The following RPL5 variants were observed in gnomAD, a reference collection of about 807,000 sequenced individuals.
RPL5 encodes the protein large ribosomal subunit protein uL18.
Under a neutral mutation model 38.4 loss-of-function variants are expected in RPL5, and 1 was observed. The ratio of observed to expected loss-of-function variants is 0.03; its 90% CI spans 0.01 to 0.12. The LOEUF (loss-of-function observed/expected upper bound fraction) is 0.12, where lower values mean the gene tolerates loss of function less well. Ranked by LOEUF, RPL5 falls within the 10% of genes least tolerant of loss-of-function variation. The probability of loss-of-function intolerance (pLI) is 1.00; values close to 1 mark genes in which losing one functional copy is unlikely to be tolerated. For synonymous variants in RPL5, 109 were observed against 121.2 expected, an observed-to-expected ratio of 0.90 and a Z score of 0.66; for missense variants, 243 against 374.1, an observed-to-expected ratio of 0.65 and a Z score of 2.89.
chr1:92,834,748 G>T, intron 3 of RPL5, 31 bp from the exon 4 acceptor site: 1 of 1,611,854 alleles, frequency 6.2e-7, no homozygotes. Flanking sequence ...GAAAGCAACA[G>T]ATTACTAACC....
Position 92,834,586 on chromosome 1 carries a change from T to G in RPL5, c.190-193T>G, listed in dbSNP as rs536918861. The stretch of plus-strand genomic sequence containing the variant: ...AGTTATGTTTAGTTCAAAAGATGAT[T>G]GAAATATTTGGGTATTCCTCTTTGA... On this transcript the variant is annotated intron_variant, in intron 3 of 7. Coordinates refer to ENST00000370321, the MANE Select transcript of RPL5 (RefSeq NM_000969.5). Among the ~76,000 whole-genome samples the G allele has an allele frequency of 1.1e-3, 160 of 152,342 alleles. 1 individual carries two copies. The highest frequency in any genetic ancestry group is 3.7e-3 in the African/African-American group (155 of 41,588).
chr1:92,841,695 T>G, intron 7 of RPL5, 71 bp from the exon 8 acceptor site: 2 of 974,158 alleles, frequency 2.1e-6, no homozygotes, highest in Non-Finnish European at 2.9e-6. Flanking sequence ...TAAATTTTAT[T>G]AAAATTTTAA....
At chr1:92,837,053 TG>T in intron 5 of RPL5, 1 of 300,856 alleles carries the variant, frequency 3.3e-6, no homozygotes, top group Non-Finnish European at 6.4e-6. Context: ...GGGAGTTAGT[TG>T]CAAGTACACC....
intron 4 of RPL5, among the ~76,000 whole-genome samples, chr1:92,835,697 T>C (rs1274508607): frequency 1.3e-5 from 2 of 151,950 alleles, no homozygotes; most frequent in Non-Finnish European, 2.9e-5. Flanking sequence ...CTTAGTGTTT[T>C]GGAGAGTGGC....
intron 4 of RPL5, chr1:92,835,207 A>G: frequency 4.3e-6 from 2 of 470,580 alleles, no homozygotes; most frequent in Non-Finnish European, 7.8e-6. Flanking sequence ...GCTAGTGTCT[A>G]CTTAATTGGA....
At position 92,841,869 on chromosome 1, in the gene RPL5, C is replaced by T. The variant is rs1687380176; in HGVS notation, c.*4C>T. 3 of 1,607,924 alleles carry T rather than the reference C, an allele frequency of 1.9e-6. No homozygotes were observed. The African/African-American group carries it at 4.0e-5, about 22-fold the overall frequency. On this transcript the variant is annotated 3_prime_UTR_variant, in exon 8 of 8. Coordinates refer to ENST00000370321, the MANE Select transcript of RPL5 (RefSeq NM_000969.5). Reference sequence around the variant, plus strand: ...GGAGCGGGCTGCTGAGAGCTAAACCCAGCAATTTTCTATGATTTTTTCAGA... The same window carrying T: ...GGAGCGGGCTGCTGAGAGCTAAACCTAGCAATTTTCTATGATTTTTTCAGA...
Position 92,840,188 on chromosome 1 carries a change from T to A in RPL5, c.706-363T>A, listed in dbSNP as rs907273280. ...ATAATTGCCACCTGGCTAATTAGTT[T>A]TTTTATGGAGACAGGTCTCACTGTG... On this transcript the variant is annotated intron_variant, in intron 6 of 7. Transcript: ENST00000370321. The A allele has an allele frequency of 2.0e-5, 5 of 255,726 alleles. No homozygotes were observed. In the Admixed American group the frequency reaches 2.6e-4, roughly 13 times the overall value. 15.8% of individuals were successfully genotyped at this position (255,726 alleles called of 1,614,324 possible). A position where few individuals can be genotyped will look rare whatever the true frequency, so the allele number is the denominator to read the frequency against.
chr1:92,840,738 C>A, intron 7 of RPL5, 99 bp downstream of exon 7: 1 of 882,814 alleles, frequency 1.1e-6, no homozygotes, highest in Non-Finnish European at 1.9e-6. Context: ...CGATCACTAG[C>A]TCTGCGTGAT....
chr1:92,839,942 G>A lies in RPL5; in HGVS notation c.706-609G>A, dbSNP rs1479224968. 3.3e-5 allele frequency among the ~76,000 whole-genome samples: 5 copies of A among 151,634 alleles called. No individual in the cohort carries two copies. The East Asian group carries it at 9.7e-4, about 29-fold the overall frequency. On this transcript the variant is annotated intron_variant, in intron 6 of 7. Transcript: ENST00000370321. ...TGCAACTTCAGACTTCTGGGCTCAA[G>A]CAATTCTCCCACCTCAGCCTCTCGA... is the stretch of plus-strand genomic sequence containing the variant.
chr1:92,840,866 T>A, intron 7 of RPL5: 1 of 640,910 alleles, frequency 1.6e-6, no homozygotes, highest in Non-Finnish European at 2.9e-6. Context: ...TACTGGTTAC[T>A]GCATTTTTTT....
chr1:92,837,305 C>G (rs753159904), intron 5 of RPL5, 151 bp from the exon 6 acceptor site: 5 of 786,560 alleles, frequency 6.4e-6, no homozygotes, highest in Non-Finnish European at 1.2e-5. Flanking sequence ...TGATGATATC[C>G]CACTAACTGA....
At chr1:92,837,987 C>G (rs1051884812) in intron 6 of RPL5, among the ~76,000 whole-genome samples, 2 of 152,184 alleles carry the variant, frequency 1.3e-5, no homozygotes, top group African/African-American at 4.8e-5. Flanking sequence ...TCTGGACTTT[C>G]CCATTATCTC....
In RPL5 at chr1:92,833,462, C is replaced by T. The variant is rs761202801; in HGVS notation, c.73+4C>T. ...GTGAAATTTAGAAGACGACGAGGTA[C>T]TGTCACCTTTTTGTGTTTACAATAT... is the stretch of plus-strand genomic sequence containing the variant. On this transcript the variant is annotated splice_donor_region_variant and intron_variant, in intron 2 of 7. Coordinates refer to ENST00000370321, the MANE Select transcript of RPL5 (RefSeq NM_000969.5). 3.1e-6 allele frequency: 5 copies of T among 1,613,664 alleles called. No individual in the cohort carries two copies. The South Asian group carries it at 3.3e-5, about 11-fold the overall frequency.
At chr1:92,832,025 C>A (rs1359008067), upstream of RPL5, 1 of 1,585,532 alleles carries the variant, frequency 6.3e-7, no homozygotes, top group Non-Finnish European at 8.6e-7. Flanking sequence ...ACTGCGCCTG[C>A]GCAAGGGCTG....
At chr1:92,835,100 C>A in intron 4 of RPL5, 187 bp downstream of exon 4, 1 of 781,688 alleles carries the variant, frequency 1.3e-6, no homozygotes, top group Non-Finnish European at 2.1e-6. Context: ...TGCAATGACA[C>A]AAATCTGTAA....
chr1:92,832,530 G>A (rs544875467), intron 1 of RPL5, among the ~76,000 whole-genome samples: 17 of 152,352 alleles, frequency 1.1e-4, no homozygotes, highest in Admixed American at 1.1e-3. Flanking sequence ...CGAGTACCGA[G>A]TACTTCGTGG....
At position 92,840,535 on chromosome 1, in the gene RPL5, C is replaced by T. The variant is rs1435379659; in HGVS notation, c.706-16C>T. 5 of 1,595,712 alleles carry T rather than the reference C, an allele frequency of 3.1e-6. No individual in the cohort carries two copies. Among genetic ancestry groups the T allele is most frequent in the Non-Finnish European group, 3.4e-6 (4 of 1,164,646 alleles). On this transcript the variant is annotated splice_polypyrimidine_tract_variant and intron_variant, in intron 6 of 7. Coordinates refer to ENST00000370321, the MANE Select transcript of RPL5 (RefSeq NM_000969.5). ...ATGAAATGAAACCAAGTACTGTTTG[C>T]TTTCCTTTGTTTCAGATGGAGGAGA...
chr1:92,833,162 T>C (rs1686977398), intron 1 of RPL5: 1 of 655,206 alleles, frequency 1.5e-6, no homozygotes. Flanking sequence ...ATTCCATATT[T>C]CTCTAAGGAT....
chr1:92,841,634 T>G (rs2100699715), intron 7 of RPL5, 132 bp from the exon 8 acceptor site: 1 of 542,820 alleles, frequency 1.8e-6, no homozygotes. Context: ...TATTTGAACT[T>G]GGATTATTTA....
Sources: gnomAD v4.1 joint callset for allele counts (sites outside exome capture counted in the v4.1 genomes callset) on GRCh38, gnomAD v4.1.1 for gene constraint, MANE v1.5 for transcripts, NCBI Gene and HGNC (gene_info 2026-07-23, HGNC 2026-07-21) for gene names.